The following TMEM63C variants were observed in gnomAD, a reference collection of about 807,000 sequenced individuals.
The protein encoded by TMEM63C is transmembrane protein 63C, also known as osmosensitive cation channel TMEM63C.
TMEM63C carries 32 observed loss-of-function variants against 99.2 expected under a neutral mutation model. That is an observed-to-expected ratio of 0.32 (90% CI 0.24 to 0.43). The LOEUF (loss-of-function observed/expected upper bound fraction) is 0.43. Ranked by LOEUF, TMEM63C falls within the 20% of genes least tolerant of loss-of-function variation. The pLI is 1.00. For missense variants in TMEM63C, 826 were observed against 1,053.0 expected (o/e 0.78, Z 2.98); for synonymous variants, 376 against 397.9 (o/e 0.94, Z 0.66).
At chr14:77,223,479 T>G in intron 5 of TMEM63C, among the ~76,000 whole-genome samples, 1 of 152,236 alleles carries the variant, frequency 6.6e-6, no homozygotes, top group African/African-American at 2.4e-5. Context: ...GGGGCTCAGA[T>G]AGGTGAAGTG....
chr14:77,245,083 A>G (rs566968903), intron 16 of TMEM63C, among the ~76,000 whole-genome samples: 1 of 152,362 alleles, frequency 6.6e-6, no homozygotes, highest in African/African-American at 2.4e-5. Context: ...CTATTCCACC[A>G]GGCAGCAGCC....
chr14:77,191,538 CTTTTTTTTTT>C (rs71125542), intron 1 of TMEM63C, among the ~76,000 whole-genome samples: 7,809 of 82,942 alleles, frequency 0.094, 239 homozygotes, highest in Admixed American at 0.16. Flanking sequence ...TTTTCTTTTT[CTTTTTTTTTT>C]TTTTTTTTTT....
chr14:77,229,966 G>A (rs545461561), intron 6 of TMEM63C, among the ~76,000 whole-genome samples: 3 of 152,104 alleles, frequency 2.0e-5, no homozygotes, highest in East Asian at 1.9e-4. Context: ...TTGGGAGGCC[G>A]AGGCAGGCGG....
chr14:77,219,040 G>T, intron 3 of TMEM63C, 77 bp downstream of exon 3: 5 of 1,381,674 alleles, frequency 3.6e-6, no homozygotes, highest in Non-Finnish European at 4.8e-6. Flanking sequence ...TGCAGTGGGG[G>T]ACCCAGTTGT....
At chr14:77,194,553 C>T (rs112035041) in intron 1 of TMEM63C, among the ~76,000 whole-genome samples, 8,327 of 125,014 alleles carry the variant, frequency 0.067, 732 homozygotes, top group East Asian at 0.086. Flanking sequence ...TTCTTTCTTT[C>T]TCTTTCTTTC....
intron 15 of TMEM63C, among the ~76,000 whole-genome samples, chr14:77,243,367 G>A (rs910800807): frequency 6.6e-6 from 1 of 152,156 alleles, no homozygotes; most frequent in East Asian, 1.9e-4. Context: ...CTTCATGAAC[G>A]GGGTCATCCC....
Position 77,218,387 on chromosome 14 carries a change from G to A in TMEM63C, c.-13-414G>A, listed in dbSNP as rs145291126. Among the ~76,000 whole-genome samples, 164 of 152,282 alleles carry A rather than the reference G, an allele frequency of 1.1e-3. 2 individuals are homozygous for A. In the East Asian group the frequency reaches 0.028, roughly 26 times the overall value. On this transcript the variant is annotated intron_variant, in intron 2 of 23. Transcript: ENST00000298351. The stretch of plus-strand genomic sequence containing the variant: ...TGAGCCCCGTCTGCATGGGCGTTCC[G>A]TGAACACAGCGGTTTTGACTTCCAA...
chr14:77,186,172 G>C (rs566742701), intron 1 of TMEM63C, among the ~76,000 whole-genome samples: 36 of 152,016 alleles, frequency 2.4e-4, no homozygotes, highest in African/African-American at 8.4e-4. Context: ...CCAACACGTC[G>C]GCTAATTTCT....
chr14:77,200,732 T>G (rs999421448), intron 1 of TMEM63C, among the ~76,000 whole-genome samples: 1 of 152,232 alleles, frequency 6.6e-6, no homozygotes, highest in African/African-American at 2.4e-5. Context: ...CCTCTCGGCT[T>G]TTATGCATGC....
chr14:77,245,679 C>A (rs561348599), intron 16 of TMEM63C, among the ~76,000 whole-genome samples: 1 of 152,306 alleles, frequency 6.6e-6, no homozygotes, highest in East Asian at 1.9e-4. Flanking sequence ...GGGAAACTCC[C>A]CCTTGTAATA....
At chr14:77,243,317 G>A (rs1277708637) in intron 15 of TMEM63C, among the ~76,000 whole-genome samples, 4 of 152,170 alleles carry the variant, frequency 2.6e-5, no homozygotes, top group African/African-American at 9.7e-5. Flanking sequence ...CCTGGGGTGA[G>A]TTGGAGGGGG....
intron 7 of TMEM63C, among the ~76,000 whole-genome samples, chr14:77,232,631 G>C (rs529851406): frequency 4.6e-5 from 7 of 152,290 alleles, no homozygotes; most frequent in African/African-American, 1.7e-4. Context: ...TCAGTCTCCC[G>C]AGCTTTACTT....
intron 18 of TMEM63C, among the ~76,000 whole-genome samples, chr14:77,247,681 C>T (rs1426388189): frequency 6.6e-6 from 1 of 152,134 alleles, no homozygotes; most frequent in African/African-American, 2.4e-5. Context: ...TTAGTGATAA[C>T]AAGTGTTGAG....
intron 1 of TMEM63C, among the ~76,000 whole-genome samples, chr14:77,204,145 C>T (rs188074529): frequency 1.5e-4 from 23 of 152,336 alleles, no homozygotes; most frequent in Non-Finnish European, 2.9e-4. Flanking sequence ...ACCACGGAGA[C>T]AAGAATTGCA....
intron 1 of TMEM63C, among the ~76,000 whole-genome samples, chr14:77,208,924 G>C (rs1888450261): frequency 6.6e-6 from 1 of 152,166 alleles, no homozygotes; most frequent in East Asian, 1.9e-4. Context: ...CAGGGGCAGC[G>C]GGATCATTGC....
chr14:77,187,971 G>C (rs1888033037), intron 1 of TMEM63C, among the ~76,000 whole-genome samples: 2 of 152,184 alleles, frequency 1.3e-5, no homozygotes, highest in African/African-American at 4.8e-5. Context: ...AGATGCCCTT[G>C]AAGTTTTTGC....
Position 77,240,474 on chromosome 14 carries a change from G to A in TMEM63C, c.931-1G>A, listed in dbSNP as rs375575701. The A allele has an allele frequency of 6.2e-7, 1 of 1,608,410 alleles. No homozygotes were observed. Among genetic ancestry groups the A allele is most frequent in the East Asian group, 2.2e-5 (1 of 44,840 alleles). On this transcript the variant is annotated splice_acceptor_variant, in intron 12 of 23. Coordinates refer to ENST00000298351, the MANE Select transcript of TMEM63C (RefSeq NM_020431.4). LOFTEE classifies it high-confidence loss of function. ...GCCCTGAAGGCTGCCTGCCACCCCA[G>A]GTGGATGCAGAGCAGTATTACAGCG...
chr14:77,185,652 T>C (rs1385571271), intron 1 of TMEM63C, among the ~76,000 whole-genome samples: 2 of 152,074 alleles, frequency 1.3e-5, no homozygotes, highest in African/African-American at 4.8e-5. Flanking sequence ...GTAGAAACAC[T>C]ACAGAGGGCA....
At chr14:77,242,746 CAG>C (rs982509196) in intron 14 of TMEM63C, among the ~76,000 whole-genome samples, 155 bp from the exon 15 acceptor site, 3 of 152,080 alleles carry the variant, frequency 2.0e-5, no homozygotes, top group Non-Finnish European at 2.9e-5. Context: ...AATGGTGTGA[CAG>C]GGGACGGTCC....
Sources: allele counts gnomAD v4.1 joint callset (sites outside exome capture counted in the v4.1 genomes callset), GRCh38; gene constraint gnomAD v4.1.1; transcripts MANE v1.5; gene names NCBI Gene and HGNC (gene_info 2026-07-23, HGNC 2026-07-21).